The following CCNJL variants were observed in gnomAD, a reference collection of about 807,000 sequenced individuals.
CCNJL encodes cyclin-J-like protein.
A neutral mutation model predicts 33.4 loss-of-function variants in CCNJL; 33 were observed. That is an observed-to-expected ratio of 0.99 (90% confidence interval 0.75 to 1.32). The LOEUF (loss-of-function observed/expected upper bound fraction) is 1.32, where lower values mean the gene tolerates loss of function less well. Among genes scored for constraint, CCNJL ranks in the 40% most tolerant of loss-of-function variants. CCNJL has a pLI of 0.00. For missense variants in CCNJL, 512 were observed against 499.7 expected (o/e 1.02, Z -0.23); for synonymous variants, 227 against 220.9 (o/e 1.03, Z -0.24).
At chr5:160,328,096 C>T (rs1763562268) in intron 1 of CCNJL, among the ~76,000 whole-genome samples, 1 of 152,066 alleles carries the variant, frequency 6.6e-6, no homozygotes. Flanking sequence ...GTGCGCGTGG[C>T]ATGTTAAAGA....
At chr5:160,269,936 C>A (rs753981520) in intron 3 of CCNJL, among the ~76,000 whole-genome samples, 2 of 152,140 alleles carry the variant, frequency 1.3e-5, no homozygotes, top group Non-Finnish European at 2.9e-5. Flanking sequence ...CTGATACTTG[C>A]GGAAAATACA....
At chr5:160,264,579 CATAAT>C (rs1431233091) in intron 3 of CCNJL, among the ~76,000 whole-genome samples, 2 of 151,476 alleles carry the variant, frequency 1.3e-5, no homozygotes, top group Non-Finnish European at 2.9e-5. Flanking sequence ...TATGACAACA[CATAAT>C]ATAAAGTTTA....
chr5:160,292,399 A>T (rs1762615516), intron 2 of CCNJL, among the ~76,000 whole-genome samples: 1 of 152,112 alleles, frequency 6.6e-6, no homozygotes, highest in Non-Finnish European at 1.5e-5. Flanking sequence ...AGGTGGGAGG[A>T]TCACTTGAGG....
chr5:160,301,883 C>T (rs1276563699), intron 2 of CCNJL, among the ~76,000 whole-genome samples: 1 of 151,998 alleles, frequency 6.6e-6, no homozygotes, highest in Non-Finnish European at 1.5e-5. Context: ...GCATGTGCCA[C>T]CACGCCCAGC....
At chr5:160,255,407 T>G (rs1217160275) in intron 5 of CCNJL, 142 bp downstream of exon 5, 1 of 678,278 alleles carries the variant, frequency 1.5e-6, no homozygotes, top group Non-Finnish European at 2.6e-6. Flanking sequence ...GGAGTCACCA[T>G]GGCCCACTTT....
At chr5:160,280,292 G>A (rs780377780) in intron 3 of CCNJL, among the ~76,000 whole-genome samples, 1 of 152,144 alleles carries the variant, frequency 6.6e-6, no homozygotes, top group Admixed American at 6.5e-5. Flanking sequence ...TGCCTCCTAG[G>A]GCCACTGTGT....
chr5:160,257,848 A>ATT (rs759060228), intron 4 of CCNJL, among the ~76,000 whole-genome samples: 15 of 141,216 alleles, frequency 1.1e-4, no homozygotes, highest in African/African-American at 2.8e-4. Flanking sequence ...ACAATCACTG[A>ATT]TTTTTTTTTT....
intron 1 of CCNJL, among the ~76,000 whole-genome samples, chr5:160,327,729 G>A (rs532020865): frequency 2.6e-5 from 4 of 152,288 alleles, no homozygotes; most frequent in Non-Finnish European, 4.4e-5. Flanking sequence ...AAGGAGAGAC[G>A]CTAGTAACAC....
At chr5:160,329,246 T>C (rs1367037840) in intron 1 of CCNJL, among the ~76,000 whole-genome samples, 1 of 151,952 alleles carries the variant, frequency 6.6e-6, no homozygotes, top group Non-Finnish European at 1.5e-5. Context: ...TGCTATGTAG[T>C]CAAACTAAAC....
intron 3 of CCNJL, among the ~76,000 whole-genome samples, chr5:160,272,870 A>G (rs753034199): frequency 1.8e-4 from 28 of 152,360 alleles, no homozygotes; most frequent in Middle Eastern, 6.8e-3. Context: ...GTAAGTTTGC[A>G]AAGATACAGG....
intron 1 of CCNJL, 90 bp from the exon 2 acceptor site, chr5:160,312,062 C>T: frequency 1.2e-6 from 1 of 818,696 alleles, no homozygotes; most frequent in Non-Finnish European, 2.0e-6. Flanking sequence ...TGGCCCCGGG[C>T]CCCGGCGGGC....
At chr5:160,296,474 C>T (rs1762754729) in intron 2 of CCNJL, among the ~76,000 whole-genome samples, 1 of 152,236 alleles carries the variant, frequency 6.6e-6, no homozygotes, top group Admixed American at 6.5e-5. Flanking sequence ...TACAACCTGT[C>T]AAATATCCTC....
intron 2 of CCNJL, among the ~76,000 whole-genome samples, chr5:160,285,943 C>A (rs187646400): frequency 5.8e-4 from 88 of 152,372 alleles, no homozygotes; most frequent in South Asian, 1.2e-3. Flanking sequence ...CTCAACAGTG[C>A]TCCTACCTTC....
At chr5:160,255,312 C>CAAAA (rs201717811) in intron 5 of CCNJL, 1 of 295,930 alleles carries the variant, frequency 3.4e-6, no homozygotes, top group African/African-American at 2.2e-5. Flanking sequence ...GACTCTGTCT[C>CAAAA]AAAAAAAAAA....
At chr5:160,268,746 G>C (rs1452842301) in intron 3 of CCNJL, among the ~76,000 whole-genome samples, 3 of 152,154 alleles carry the variant, frequency 2.0e-5, no homozygotes, top group African/African-American at 4.8e-5. Flanking sequence ...TTCTGATCCT[G>C]TAGTTAGGAA....
At chr5:160,320,996 T>TTCTCTCTCTC (rs138268750) in intron 1 of CCNJL, among the ~76,000 whole-genome samples, 6 of 97,166 alleles carry the variant, frequency 6.2e-5, no homozygotes, top group Non-Finnish European at 1.1e-4. Flanking sequence ...CTTTCTTTCT[T>TTCTCTCTCTC]TCTCTCTCTC....
intron 2 of CCNJL, among the ~76,000 whole-genome samples, chr5:160,286,537 C>G (rs1762412204): frequency 6.6e-6 from 1 of 152,008 alleles, no homozygotes; most frequent in African/African-American, 2.4e-5. Flanking sequence ...ACACGGGAGG[C>G]TGAGGCACGA....
chr5:160,317,347 G>T (rs1763391421), upstream of CCNJL, among the ~76,000 whole-genome samples: 1 of 152,200 alleles, frequency 6.6e-6, no homozygotes, highest in Non-Finnish European at 1.5e-5. Context: ...ATTTAAAAAG[G>T]CACAGAAGGA....
intron 3 of CCNJL, among the ~76,000 whole-genome samples, chr5:160,275,123 G>A (rs1355884057): frequency 2.7e-5 from 4 of 149,216 alleles, no homozygotes; most frequent in African/African-American, 9.9e-5. Flanking sequence ...CTTGCCCTGC[G>A]GCCTAGGCTG....
Sources: gnomAD v4.1 joint callset for allele counts (sites outside exome capture counted in the v4.1 genomes callset) on GRCh38, gnomAD v4.1.1 for gene constraint, MANE v1.5 for transcripts, NCBI Gene and HGNC (gene_info 2026-07-23, HGNC 2026-07-21) for gene names.